The following ADAMTSL1 variants were observed in gnomAD, a reference collection of about 807,000 sequenced individuals.
The protein encoded by ADAMTSL1 is ADAMTS like 1, also known as ADAMTS-like protein 1.
In ADAMTSL1, 126 loss-of-function variants were observed where a neutral mutation model predicts 201.8. The ratio of observed to expected loss-of-function variants is 0.62; its 90% confidence interval spans 0.54 to 0.72. The LOEUF (loss-of-function observed/expected upper bound fraction) is 0.72, where lower values mean the gene tolerates loss of function less well. ADAMTSL1 is among the 30% of genes least tolerant of loss of function. ADAMTSL1 has a pLI of 0.00. For missense variants in ADAMTSL1, 2,679 were observed against 2,277.8 expected, an observed-to-expected ratio of 1.18 and a Z score of -3.59; for synonymous variants, 1,121 against 903.4, an observed-to-expected ratio of 1.24 and a Z score of -4.32.
intron 1 of ADAMTSL1, among the ~76,000 whole-genome samples, chr9:18,085,448 G>A (rs1033834081): frequency 1.6e-5 from 2 of 125,806 alleles, no homozygotes; most frequent in African/African-American, 6.0e-5. Context: ...TATATATTGT[G>A]TACCATATAT....
chr9:18,346,448 T>A (rs1835721880), intron 2 of ADAMTSL1, among the ~76,000 whole-genome samples: 1 of 152,126 alleles, frequency 6.6e-6, no homozygotes, highest in Admixed American at 6.6e-5. Context: ...GCTGAGTGAC[T>A]CTAAGCAAGT....
At chr9:18,106,613 T>A (rs1209583308) in intron 1 of ADAMTSL1, among the ~76,000 whole-genome samples, 1 of 152,216 alleles carries the variant, frequency 6.6e-6, no homozygotes, top group Non-Finnish European at 1.5e-5. Flanking sequence ...TTACCTATGA[T>A]CAAAATAACA....
At position 18,746,110 on chromosome 9, in the gene ADAMTSL1, C is replaced by T. The variant is rs772989844; in HGVS notation, c.2007-7188C>T. Among the ~76,000 whole-genome samples, 83 of 152,210 alleles carry T rather than the reference C, an allele frequency of 5.5e-4. 1 individual carries two copies. Among genetic ancestry groups the T allele is most frequent in the Non-Finnish European group, 2.5e-4 (17 of 68,046 alleles). ...ACTAGCTCCCCACCTCCACTGAAAG[C>T]TCAGCTTGACACCAGTGGAGGTTTT... On this transcript the variant is annotated intron_variant, in intron 15 of 28. Transcript: ENST00000380548.
In ADAMTSL1 at chr9:18,254,345, GTTTTTTTTTTTTTTTTTTT is replaced by G. The variant is rs59026505; in HGVS notation, c.207+90381_207+90399del. ...GGAACTACCGTCAATACTCTTTTTG[GTTTTTTTTTTTTTTTTTTT>G]TTTTTTTTTTTTTTTTGAGATGGAA... On this transcript the variant is annotated intron_variant, in intron 2 of 29. Coordinates refer to the ADAMTSL1 transcript ENST00000680146. 2.8e-4 allele frequency among the ~76,000 whole-genome samples: 14 copies of G among 49,332 alleles called. 1 individual carries two copies. The highest frequency in any genetic ancestry group is 1.2e-3 in the Admixed American group (3 of 2,604). 32.4% of individuals were successfully genotyped at this position (49,332 alleles called of 152,430 possible).
intron 1 of ADAMTSL1, among the ~76,000 whole-genome samples, chr9:17,924,106 C>T (rs1476243183): frequency 6.8e-6 from 1 of 146,648 alleles, no homozygotes; most frequent in Non-Finnish European, 1.5e-5. Flanking sequence ...TGTGTCTCTG[C>T]CCGGCTTTGG....
intron 2 of ADAMTSL1, among the ~76,000 whole-genome samples, chr9:18,395,897 G>A (rs1817734892): frequency 6.6e-6 from 1 of 152,188 alleles, no homozygotes; most frequent in African/African-American, 2.4e-5. Flanking sequence ...ATACATCAAA[G>A]AGGAAGTACA....
At chr9:18,906,069 C>T (rs1366644268) in intron 27 of ADAMTSL1, among the ~76,000 whole-genome samples, 178 bp downstream of exon 27, 1 of 152,198 alleles carries the variant, frequency 6.6e-6, no homozygotes. Flanking sequence ...CAGTGTCGGT[C>T]TTGTGCTTAT....
intron 23 of ADAMTSL1, among the ~76,000 whole-genome samples, chr9:18,847,515 A>G (rs975687942): frequency 3.9e-5 from 6 of 152,256 alleles, no homozygotes; most frequent in African/African-American, 1.2e-4. Context: ...AGAAAAATAA[A>G]GCAGGATAAG....
At chr9:18,650,097 G>A (rs993657557) in intron 7 of ADAMTSL1, among the ~76,000 whole-genome samples, 6 of 152,212 alleles carry the variant, frequency 3.9e-5, no homozygotes, top group East Asian at 1.9e-4. Flanking sequence ...GGGCAATGGC[G>A]GGTGCCCATC....
intron 9 of ADAMTSL1, among the ~76,000 whole-genome samples, chr9:18,666,950 CTTTTTTT>C (rs35220169): frequency 2.3e-5 from 3 of 128,950 alleles, no homozygotes; most frequent in African/African-American, 5.6e-5. Context: ...TGCAGATTTT[CTTTTTTT>C]TTTTTTTTTT....
intron 1 of ADAMTSL1, among the ~76,000 whole-genome samples, chr9:17,908,963 C>T (rs530595093): frequency 2.7e-4 from 41 of 151,602 alleles, no homozygotes; most frequent in African/African-American, 8.5e-4. Flanking sequence ...CCTATTTCTC[C>T]ACATCCTCTC....
intron 2 of ADAMTSL1, among the ~76,000 whole-genome samples, chr9:18,186,660 G>T (rs1267436978): frequency 6.6e-6 from 1 of 152,112 alleles, no homozygotes; most frequent in Non-Finnish European, 1.5e-5. Context: ...TGTTTAATGA[G>T]ATCTGTAGGA....
intron 2 of ADAMTSL1, among the ~76,000 whole-genome samples, chr9:18,180,237 T>A (rs1237657063): frequency 6.6e-6 from 1 of 152,122 alleles, no homozygotes; most frequent in Non-Finnish European, 1.5e-5. Context: ...TAGTCTCCGA[T>A]AAAACAGACT....
chr9:18,693,398 T>C (rs1348923272), intron 13 of ADAMTSL1, among the ~76,000 whole-genome samples: 2 of 152,188 alleles, frequency 1.3e-5, no homozygotes, highest in African/African-American at 2.4e-5. Context: ...ATAAGAAATA[T>C]AAATGAATAA....
At chr9:18,650,549 A>G (rs776786) in intron 7 of ADAMTSL1, among the ~76,000 whole-genome samples, 15,762 of 152,070 alleles carry the variant, frequency 0.1, 1,623 homozygotes, top group African/African-American at 0.27. Context: ...TCCCTCCTCC[A>G]TGGAATTTTA....
rs375010823 is a variant in ADAMTSL1, at chr9:18,826,338, C to G, written c.3989C>G (p.Pro1330Arg). ...AGGAATAAAAGCAAACTGGGCTCCC[C>G]GCACCATCTGCACGAAGGCTCCTTG... ...WFRNKSKLGS[P>R]HHLHEGSLLL... Residue 1330 changes from proline (P) to arginine (R), a missense_variant, in exon 22 of 29, where the codon CCG (proline) becomes CGG (arginine). Physicochemically the swap from Pro to Arg is moderately radical, Grantham distance 103. Transcript: ENST00000380548. The G allele has an allele frequency of 5.0e-6, 8 of 1,613,420 alleles. No individual in the cohort carries two copies. In the Admixed American group the frequency reaches 8.3e-5, roughly 17 times the overall value.
intron 1 of ADAMTSL1, among the ~76,000 whole-genome samples, chr9:18,054,613 G>A (rs1375767851): frequency 6.6e-6 from 1 of 152,228 alleles, no homozygotes; most frequent in Admixed American, 6.5e-5. Flanking sequence ...CGGGGGGCTA[G>A]TGACGGTGTT....
Position 18,814,396 on chromosome 9 carries a change from C to G in ADAMTSL1, c.3806-2713C>G, listed in dbSNP as rs557474573. Among the ~76,000 whole-genome samples, 270 of 152,146 alleles carry G rather than the reference C, an allele frequency of 1.8e-3. 1 individual carries two copies. The highest frequency in any genetic ancestry group is 6.3e-3 in the African/African-American group (261 of 41,504). ...TACATCCAACTGAAAAGCTTCTGCA[C>G]AGCAAAGGAAACAATCAACAGAATA... On this transcript the variant is annotated intron_variant, in intron 20 of 28. Transcript: ENST00000380548.
chr9:18,391,971 C>A (rs1177232009), intron 2 of ADAMTSL1, among the ~76,000 whole-genome samples: 1 of 151,664 alleles, frequency 6.6e-6, no homozygotes, highest in Non-Finnish European at 1.5e-5. Flanking sequence ...ACTACAGGTG[C>A]CCGCCACCAT....
Sources: allele counts gnomAD v4.1 joint callset (sites outside exome capture counted in the v4.1 genomes callset), GRCh38; gene constraint gnomAD v4.1.1; transcripts MANE v1.5; gene names NCBI Gene and HGNC (gene_info 2026-07-23, HGNC 2026-07-21).